The following NF2 variants were observed in gnomAD, a reference collection of about 807,000 sequenced individuals.
The protein encoded by NF2 is merlin.
A neutral mutation model predicts 83.7 loss-of-function variants in NF2; 8 were observed. The ratio of observed to expected loss-of-function variants is 0.10; its 90% confidence interval spans 0.06 to 0.17. NF2 has a LOEUF of 0.17. Among genes scored for constraint, NF2 ranks in the 10% least tolerant of loss-of-function variants. The pLI is 1.00. For synonymous variants in NF2, 266 were observed against 269.6 expected, an observed-to-expected ratio of 0.99 and a Z score of 0.13; for missense variants, 533 against 744.4, an observed-to-expected ratio of 0.72 and a Z score of 3.31.
At chr22:29,672,930 C>T (rs2066846242) in intron 11 of NF2, among the ~76,000 whole-genome samples, 1 of 152,204 alleles carries the variant, frequency 6.6e-6, no homozygotes, top group Non-Finnish European at 1.5e-5. Context: ...TGCCACATGT[C>T]TCTTGCAGGG....
rs543210359 is a variant in NF2 at position 29,665,712 on chromosome 22, C to T, written c.885+648C>T. ...GGGTGCGGTGGCTTACGCCTGTAATCCCAGCACTTTGGGTGGCCGAGACGG... is the reference window on the plus strand; with the variant it reads ...GGGTGCGGTGGCTTACGCCTGTAATTCCAGCACTTTGGGTGGCCGAGACGG... On this transcript the variant is annotated intron_variant, in intron 9 of 15. Coordinates refer to ENST00000338641, the MANE Select transcript of NF2 (RefSeq NM_000268.4). Among the ~76,000 whole-genome samples, 7 of 151,412 alleles carry T rather than the reference C, an allele frequency of 4.6e-5. No individual in the cohort carries two copies. In the South Asian group the frequency reaches 1.3e-3, roughly 27 times the overall value.
intron 1 of NF2, among the ~76,000 whole-genome samples, chr22:29,630,541 T>C (rs2065480884): frequency 6.6e-6 from 1 of 152,200 alleles, no homozygotes; most frequent in Admixed American, 6.5e-5. Flanking sequence ...ACTTCCAGAC[T>C]CCTCCTATTA....
rs2147084119 is a variant in NF2 at position 29,673,476 on chromosome 22, T to G, written c.1330T>G (p.Ser444Ala). 1 of 1,608,004 alleles carries G rather than the reference T, an allele frequency of 6.2e-7. No homozygotes were observed. The highest frequency in any genetic ancestry group is 8.5e-7 in the Non-Finnish European group (1 of 1,178,250). ...GCTGGCACTGAAGATGGCTGAGGAG[T>G]CAGAGAGGAGGTGAGGGGGCACCGG... ...EVLALKMAEE[S>A]ERRAKEADQL... Residue 444 changes from serine to alanine, a missense_variant, in exon 12 of 16, where the codon TCA (serine) becomes GCA (alanine). Ser to Ala is a moderately conservative substitution (Grantham distance 99). Coordinates refer to ENST00000338641, the MANE Select transcript of NF2 (RefSeq NM_000268.4).
Position 29,679,695 on chromosome 22 carries a change from A to G in NF2, c.1574+1372A>G, listed in dbSNP as rs1026915965. On this transcript the variant is annotated intron_variant, in intron 14 of 15. Coordinates refer to ENST00000338641, the MANE Select transcript of NF2 (RefSeq NM_000268.4). Reference sequence around the variant, plus strand: ...AGCCTGGGCAACATGGCAAAACCCCATTTCTACTAAGAATACAAAAATTAG... The same window carrying G: ...AGCCTGGGCAACATGGCAAAACCCCGTTTCTACTAAGAATACAAAAATTAG... Among the ~76,000 whole-genome samples the G allele has an allele frequency of 4.0e-5, 6 of 151,770 alleles. No individual in the cohort carries two copies. The East Asian group carries it at 7.8e-4, about 20-fold the overall frequency.
At chr22:29,653,055 G>A (rs1015683775) in intron 4 of NF2, among the ~76,000 whole-genome samples, 13 of 152,138 alleles carry the variant, frequency 8.5e-5, no homozygotes, top group African/African-American at 2.4e-4. Context: ...AAAGTCCTAG[G>A]ATTACAGGCA....
At chr22:29,660,752 A>T (rs1344793398) in intron 7 of NF2, among the ~76,000 whole-genome samples, 2 of 152,112 alleles carry the variant, frequency 1.3e-5, no homozygotes, top group Non-Finnish European at 2.9e-5. Flanking sequence ...TATTTTTAGT[A>T]GAGATGGGGT....
At position 29,637,059 on chromosome 22, in the gene NF2, C is replaced by T. The variant is rs531755281; in HGVS notation, c.240+183C>T. Among the ~76,000 whole-genome samples the T allele has an allele frequency of 2.0e-5, 3 of 152,212 alleles. No homozygotes were observed. In the South Asian group the frequency reaches 6.2e-4, roughly 32 times the overall value. On this transcript the variant is annotated intron_variant, in intron 2 of 15. Transcript: ENST00000338641. ...CTACCAGTTTCCTTCTCCTCACAGG[C>T]TCTCCTGGGCAAGCAGAAGTTACCA...
chr22:29,616,483 G>A (rs776732916), intron 1 of NF2, among the ~76,000 whole-genome samples: 2 of 152,180 alleles, frequency 1.3e-5, no homozygotes, highest in African/African-American at 4.8e-5. Context: ...TGTGGCTCAC[G>A]CATGTAATCC....
chr22:29,674,299 T>G (rs2147088831), intron 12 of NF2, among the ~76,000 whole-genome samples: 1 of 152,334 alleles, frequency 6.6e-6, no homozygotes, highest in African/African-American at 2.4e-5. Flanking sequence ...TCACATGCCG[T>G]GACCACCTGA....
Position 29,603,938 on chromosome 22 carries a change from G to C in NF2, c.-61G>C. 3.8e-6 allele frequency: 5 copies of C among 1,328,202 alleles called. No individual in the cohort carries two copies. Among genetic ancestry groups the C allele is most frequent in the Non-Finnish European group, 5.3e-6 (5 of 951,592 alleles). The allele number at this position is 1,328,202 out of a possible 1,614,324, so 82.3% of individuals were successfully genotyped here. ...GAGGCCTGTGCAGCAACTCCAGGGG[G>C]GCTAAAGGGCTCAGAGTGCAGGCCG... On this transcript the variant is annotated 5_prime_UTR_variant, in exon 1 of 16. Coordinates refer to ENST00000338641, the MANE Select transcript of NF2 (RefSeq NM_000268.4).
At chr22:29,693,647 T>C (rs1456492469) in intron 15 of NF2, among the ~76,000 whole-genome samples, 1 of 152,212 alleles carries the variant, frequency 6.6e-6, no homozygotes, top group Non-Finnish European at 1.5e-5. Flanking sequence ...GAGCTGCTGA[T>C]GGCAGAGAGT....
At chr22:29,628,312 G>A (rs552041412) in intron 1 of NF2, among the ~76,000 whole-genome samples, 1 of 152,196 alleles carries the variant, frequency 6.6e-6, no homozygotes, top group African/African-American at 2.4e-5. Flanking sequence ...GTGGCATTGG[G>A]GGACATGGAC....
Position 29,691,067 on chromosome 22 carries a change from C to T in NF2, c.1738-3685C>T, listed in dbSNP as rs141472217. 9.2e-5 allele frequency among the ~76,000 whole-genome samples: 14 copies of T among 152,322 alleles called. No individual in the cohort carries two copies. The South Asian group carries it at 1.5e-3, about 16-fold the overall frequency. Reference sequence around the variant, plus strand: ...CCCAGACTGGTGCAGCCACTGTCCTCGAGACCCTGGTTGTACACCCTGAGG... The same window carrying T: ...CCCAGACTGGTGCAGCCACTGTCCTTGAGACCCTGGTTGTACACCCTGAGG... On this transcript the variant is annotated intron_variant, in intron 15 of 15. Transcript: ENST00000338641.
chr22:29,610,643 CAA>C (rs547702227), intron 1 of NF2, among the ~76,000 whole-genome samples: 23 of 95,494 alleles, frequency 2.4e-4, no homozygotes, highest in Admixed American at 5.9e-4. Flanking sequence ...GACTCCATCT[CAA>C]AAAAAAAAAA....
rs2067592325 is a variant in NF2 at position 29,697,712 on chromosome 22, ACG to A, written c.*2912_*2913del. ...CTCCCGAGTAGCTGGGATTACAGGC[ACG>A]CACCTCCACGTCCGGCTAATTTTGT... On this transcript the variant is annotated 3_prime_UTR_variant, in exon 16 of 16. Transcript: ENST00000338641. 1.7e-5 allele frequency: 3 copies of A among 174,192 alleles called. No individual in the cohort carries two copies. The highest frequency in any genetic ancestry group is 3.7e-5 in the Non-Finnish European group (3 of 80,748). The allele number at this position is 174,192 out of a possible 1,614,324, so 10.8% of individuals were successfully genotyped here.
At chr22:29,638,093 C>T (rs1283465555) in intron 2 of NF2, among the ~76,000 whole-genome samples, 1 of 152,118 alleles carries the variant, frequency 6.6e-6, no homozygotes, top group Non-Finnish European at 1.5e-5. Flanking sequence ...GTTAATGGAG[C>T]CTTGTAGCCT....
chr22:29,644,027 C>A (rs1385258683), intron 4 of NF2, among the ~76,000 whole-genome samples: 1 of 150,294 alleles, frequency 6.7e-6, no homozygotes, highest in Non-Finnish European at 1.5e-5. Flanking sequence ...GGCTGACCCC[C>A]CCACCTCCCT....
chr22:29,642,184 C>T lies in NF2; in HGVS notation c.364-18C>T. On this transcript the variant is annotated intron_variant, in intron 3 of 15. Transcript: ENST00000338641. ...TTCCACTCACAGAGTATCATGTCTC[C>T]CTTGTTGCTCCTTTCAGGTAAAGAA... is the stretch of plus-strand genomic sequence containing the variant. The T allele has an allele frequency of 3.1e-6, 5 of 1,602,960 alleles. No individual in the cohort carries two copies. In the African/African-American group the frequency reaches 4.0e-5, roughly 13 times the overall value.
At chr22:29,646,440 T>C (rs1417477091) in intron 4 of NF2, among the ~76,000 whole-genome samples, 2 of 152,198 alleles carry the variant, frequency 1.3e-5, no homozygotes, top group Non-Finnish European at 2.9e-5. Context: ...TTCATTTATA[T>C]GATCACATTT....
Sources: gnomAD v4.1 joint callset for allele counts (sites outside exome capture counted in the v4.1 genomes callset) on GRCh38, gnomAD v4.1.1 for gene constraint, MANE v1.5 for transcripts, NCBI Gene and HGNC (gene_info 2026-07-23, HGNC 2026-07-21) for gene names.